KDM4C: variants seen among roughly 807,000 people sequenced by gnomAD.
KDM4C encodes the protein lysine demethylase 4C.
A neutral mutation model predicts 129.3 loss-of-function variants in KDM4C; 81 were observed. That is an observed-to-expected ratio of 0.63 (90% confidence interval 0.52 to 0.75). The LOEUF (loss-of-function observed/expected upper bound fraction) is 0.75. Ranked by LOEUF, KDM4C falls within the 30% of genes least tolerant of loss-of-function variation. The pLI is 0.00. For missense variants in KDM4C, 1,457 were observed against 1,304.0 expected, an observed-to-expected ratio of 1.12 and a Z score of -1.81; for synonymous variants, 573 against 456.1, an observed-to-expected ratio of 1.26 and a Z score of -3.26.
At chr9:6,748,916 G>A (rs1179001483) in intron 1 of KDM4C, 2 of 934,030 alleles carry the variant, frequency 2.1e-6, no homozygotes, top group African/African-American at 3.2e-5. Context: ...GTAAGTATCT[G>A]AAGATGAGGT....
In KDM4C at chr9:6,842,896, C is replaced by T. The variant is rs576380119; in HGVS notation, c.436-6611C>T. On this transcript the variant is annotated intron_variant, in intron 4 of 21. Coordinates refer to ENST00000381309, the MANE Select transcript of KDM4C (RefSeq NM_015061.6). ...GTAAGTCCTGCTTTATTACTCAGCTCTCCACTTCCTGCTGTGTTCTTGTAC... is the reference window on the plus strand; with the variant it reads ...GTAAGTCCTGCTTTATTACTCAGCTTTCCACTTCCTGCTGTGTTCTTGTAC... 1.4e-4 allele frequency among the ~76,000 whole-genome samples: 22 copies of T among 152,174 alleles called. No individual in the cohort carries two copies. In the South Asian group the frequency reaches 4.4e-3, roughly 30 times the overall value.
rs150764923 is a variant in KDM4C at position 6,976,163 on chromosome 9, A to G, written c.922-4762A>G. ...GTGTAGTCTGAGGAGTTAGAATAAA[A>G]TTATGTGTCAGGCCTAATTAATGAT... On this transcript the variant is annotated intron_variant, in intron 8 of 21. Coordinates refer to ENST00000381309, the MANE Select transcript of KDM4C (RefSeq NM_015061.6). Among the ~76,000 whole-genome samples the G allele has an allele frequency of 3.3e-3, 497 of 152,332 alleles. 3 individuals are homozygous for G. Among genetic ancestry groups the G allele is most frequent in the African/African-American group, 0.011 (439 of 41,568 alleles).
chr9:6,919,866 C>T (rs1431767217), intron 8 of KDM4C, among the ~76,000 whole-genome samples: 4 of 152,200 alleles, frequency 2.6e-5, no homozygotes, highest in East Asian at 3.9e-4. Flanking sequence ...TGAGCCACTG[C>T]ACCTGGCCAT....
At chr9:6,910,199 T>C (rs557100355) in intron 8 of KDM4C, among the ~76,000 whole-genome samples, 3 of 152,154 alleles carry the variant, frequency 2.0e-5, no homozygotes, top group Non-Finnish European at 4.4e-5. Flanking sequence ...TTTTTGCCAT[T>C]AGGGGTCGTT....
chr9:7,042,109 G>T (rs953517957), intron 15 of KDM4C, among the ~76,000 whole-genome samples: 7 of 151,906 alleles, frequency 4.6e-5, no homozygotes, highest in Non-Finnish European at 1.0e-4. Flanking sequence ...TGTACCTTTC[G>T]TATTTAGTAT....
At chr9:7,018,264 GAA>G (rs1824038772) in intron 15 of KDM4C, among the ~76,000 whole-genome samples, 1 of 152,156 alleles carries the variant, frequency 6.6e-6, no homozygotes, top group African/African-American at 2.4e-5. Context: ...CCTAAACATA[GAA>G]AAGGTACAAA....
At position 7,103,320 on chromosome 9, in the gene KDM4C, C is replaced by T. The variant is rs144472732; in HGVS notation, c.2425-365C>T. 5.0e-3 allele frequency among the ~76,000 whole-genome samples: 767 copies of T among 152,298 alleles called. 8 individuals carry two copies. Among genetic ancestry groups the T allele is most frequent in the African/African-American group, 0.017 (688 of 41,558 alleles). The stretch of plus-strand genomic sequence containing the variant: ...TTGATGCACAGAAAGACCTGTCATG[C>T]AGGAGGGCAAAACAGAAGTAGCTTC... On this transcript the variant is annotated intron_variant, in intron 17 of 21. Coordinates refer to ENST00000381309, the MANE Select transcript of KDM4C (RefSeq NM_015061.6).
At chr9:6,854,411 G>A (rs1034005777) in intron 5 of KDM4C, among the ~76,000 whole-genome samples, 2 of 151,444 alleles carry the variant, frequency 1.3e-5, no homozygotes, top group African/African-American at 4.9e-5. Context: ...TGTAATCCCA[G>A]CTACTCGGGA....
chr9:7,077,057 G>A (rs887693874), intron 17 of KDM4C: 1 of 985,370 alleles, frequency 1.0e-6, no homozygotes, highest in Non-Finnish European at 1.2e-6. Flanking sequence ...CGTATTTTGA[G>A]TTTAGGTGAA....
chr9:7,172,035 A>G (rs2130522011), intron 21 of KDM4C, among the ~76,000 whole-genome samples: 1 of 152,292 alleles, frequency 6.6e-6, no homozygotes, highest in Admixed American at 6.5e-5. Flanking sequence ...CTGGGTTGGT[A>G]CATAGCCCTC....
chr9:6,976,557 A>G (rs1461358306), intron 8 of KDM4C, among the ~76,000 whole-genome samples: 1 of 152,152 alleles, frequency 6.6e-6, no homozygotes, highest in South Asian at 2.1e-4. Flanking sequence ...TTTATACCTT[A>G]TATATTGGGG....
At chr9:6,842,694 A>C (rs1202870784) in intron 4 of KDM4C, among the ~76,000 whole-genome samples, 1 of 152,030 alleles carries the variant, frequency 6.6e-6, no homozygotes, top group Non-Finnish European at 1.5e-5. Context: ...TTGTGGCTTA[A>C]AAAAAATCAG....
rs1008634281 is a variant in KDM4C, at chr9:7,155,600, A to C, written c.2782-9638A>C. On this transcript the variant is annotated intron_variant, in intron 19 of 21. Transcript: ENST00000381309. ...TCAGTTCCCACCTATGAGTGAGAACATGCAGTGTTTGGGTTTCTGTCCTTG... is the reference window on the plus strand; with the variant it reads ...TCAGTTCCCACCTATGAGTGAGAACCTGCAGTGTTTGGGTTTCTGTCCTTG... Among the ~76,000 whole-genome samples, 4 of 152,234 alleles carry C rather than the reference A, an allele frequency of 2.6e-5. No individual in the cohort carries two copies. The East Asian group carries it at 7.7e-4, about 29-fold the overall frequency.
intron 15 of KDM4C, among the ~76,000 whole-genome samples, chr9:7,020,253 C>A (rs1824550579): frequency 6.6e-6 from 1 of 152,308 alleles, no homozygotes; most frequent in East Asian, 1.9e-4. Context: ...CCAACTTCAA[C>A]TGAAATGAAA....
chr9:6,982,162 A>G (rs1476290088), intron 9 of KDM4C: 2 of 151,758 alleles, frequency 1.3e-5, no homozygotes, highest in South Asian at 2.1e-4. Context: ...GATATTAACT[A>G]AGTAACACCA....
intron 1 of KDM4C, among the ~76,000 whole-genome samples, chr9:6,784,256 G>A (rs1287793967): frequency 6.6e-6 from 1 of 152,150 alleles, no homozygotes; most frequent in Non-Finnish European, 1.5e-5. Flanking sequence ...ACTAAGTGGA[G>A]GAGGCATGTG....
intron 16 of KDM4C, among the ~76,000 whole-genome samples, chr9:7,047,423 G>T (rs1006986975): frequency 1.3e-5 from 2 of 149,574 alleles, no homozygotes; most frequent in Admixed American, 1.3e-4. Context: ...GATTTAAAGG[G>T]ATCAGGTGGA....
At position 7,174,834 on chromosome 9, in the gene KDM4C, G is replaced by C. The variant is rs536769404; in HGVS notation, c.*105G>C. On this transcript the variant is annotated 3_prime_UTR_variant, in exon 22 of 22. Coordinates refer to ENST00000381309, the MANE Select transcript of KDM4C (RefSeq NM_015061.6). ...TGAGTTTTGCTGGCATAGGTGACAG[G>C]GTGTGTCTCTGACAGTGGTAAATCG... 2 of 964,700 alleles carry C rather than the reference G, an allele frequency of 2.1e-6. No individual in the cohort carries two copies. Among genetic ancestry groups the C allele is most frequent in the Admixed American group, 4.3e-5 (2 of 46,366 alleles). The allele number at this position is 964,700 out of a possible 1,614,324, so 59.8% of individuals were successfully genotyped here.
At chr9:7,002,541 C>G (rs1389811606) in intron 12 of KDM4C, among the ~76,000 whole-genome samples, 1 of 152,098 alleles carries the variant, frequency 6.6e-6, no homozygotes, top group African/African-American at 2.4e-5. Context: ...TTTCACCTAT[C>G]TTTGATTTGA....
Sources: gnomAD v4.1 joint callset for allele counts (sites outside exome capture counted in the v4.1 genomes callset) on GRCh38, gnomAD v4.1.1 for gene constraint, MANE v1.5 for transcripts, NCBI Gene and HGNC (gene_info 2026-07-23, HGNC 2026-07-21) for gene names.